TRIM48: variants seen among roughly 807,000 people sequenced by gnomAD.
TRIM48 encodes the protein E3 ubiquitin-protein ligase TRIM48.
Under a neutral mutation model 29.5 loss-of-function variants are expected in TRIM48, and 31 were observed. The ratio of observed to expected loss-of-function variants is 1.05; its 90% CI spans 0.79 to 1.42. The LOEUF (loss-of-function observed/expected upper bound fraction) is 1.42, where lower values mean the gene tolerates loss of function less well. Among genes scored for constraint, TRIM48 ranks in the 40% most tolerant of loss-of-function variants. The pLI is 0.00. For missense variants in TRIM48, 344 were observed against 265.0 expected, an observed-to-expected ratio of 1.30 and a Z score of -2.07; for synonymous variants, 128 against 90.6, an observed-to-expected ratio of 1.41 and a Z score of -2.34.
In TRIM48 at chr11:55,270,864, C is replaced by T. The variant is rs776642420; in HGVS notation, c.*429C>T. 1.2e-4 allele frequency: 183 copies of T among 1,565,168 alleles called. 16 individuals are homozygous for T. Among genetic ancestry groups the T allele is most frequent in the Non-Finnish European group, 1.5e-4 (177 of 1,150,754 alleles). ...GCTTCGTTGATGTTAGTCAAAGCTC[C>T]CCTATATACACCATCCCTAATTGCT... On this transcript the variant is annotated 3_prime_UTR_variant, in exon 6 of 6. Coordinates refer to ENST00000417545, the MANE Select transcript of TRIM48 (RefSeq NM_024114.5).
At chr11:55,264,769 G>C (rs1857360295) in intron 1 of TRIM48, 131 bp from the exon 2 acceptor site, 2 of 1,407,892 alleles carry the variant, frequency 1.4e-6, no homozygotes, top group African/African-American at 2.9e-5. Context: ...TTTTGTTACA[G>C]AAGAAATAGT....
rs1238616234 is a variant in TRIM48 at position 55,268,692 on chromosome 11, T to A, written c.578+320T>A. ...GGAAGCAGGAGAGAAGTGGGGGAAG[T>A]ATTTTAGCAGTGAAAAAGTTGATGA... On this transcript the variant is annotated intron_variant, in intron 4 of 5. Transcript: ENST00000417545. Among the ~76,000 whole-genome samples the A allele has an allele frequency of 8.1e-5, 12 of 147,808 alleles. 2 individuals are homozygous for A. The highest frequency in any genetic ancestry group is 6.5e-3 in the Middle Eastern group (2 of 306).
At position 55,265,092 on chromosome 11, in the gene TRIM48, C is replaced by T. The variant is rs1313454910; in HGVS notation, c.237C>T (p.Asn79=). Residue 79 remains asparagine, a synonymous_variant, in exon 2 of 6, where the codon AAC becomes AAT. Transcript: ENST00000417545. ...GCATAAAGACAATACAGCAGAGAAA[C>T]CTCAAAACTAACATTCGATTGAAGA... ...FECIKTIQQR[N]LKTNIRLKKM... is the part of the protein sequence containing the mutation. 3 of 1,583,110 alleles carry T rather than the reference C, an allele frequency of 1.9e-6. 1 individual carries two copies. The highest frequency in any genetic ancestry group is 2.6e-6 in the Non-Finnish European group (3 of 1,166,114).
At chr11:55,267,571 G>A (rs529348153) in intron 3 of TRIM48, 4 of 1,564,334 alleles carry the variant, frequency 2.6e-6, no homozygotes, top group African/African-American at 2.8e-5. Context: ...ATAGGAGGGA[G>A]ATTTTTAAGA....
In TRIM48 at chr11:55,270,967, C is replaced by T; in HGVS notation, c.*532C>T. 6.5e-7 allele frequency: 1 copy of T among 1,536,368 alleles called. No individual in the cohort carries two copies. Among genetic ancestry groups the T allele is most frequent in the Non-Finnish European group, 8.8e-7 (1 of 1,136,704 alleles). On this transcript the variant is annotated 3_prime_UTR_variant, in exon 6 of 6. Transcript: ENST00000417545. ...GACAAATCAGAAATGTGTTCATCTGCTGTGGGAACCCCTTTATCCCAGAAA... is the reference window on the plus strand; with the variant it reads ...GACAAATCAGAAATGTGTTCATCTGTTGTGGGAACCCCTTTATCCCAGAAA...
At chr11:55,268,758 G>GA (rs1292868838) in intron 4 of TRIM48, among the ~76,000 whole-genome samples, 6 of 147,484 alleles carry the variant, frequency 4.1e-5, no homozygotes, top group African/African-American at 1.5e-4. Context: ...TAACAGTTCC[G>GA]AAAAATAGAT....
rs186842159 is a variant in TRIM48, at chr11:55,269,009, C to T, written c.579-233C>T. On this transcript the variant is annotated intron_variant, in intron 4 of 5. Coordinates refer to ENST00000417545, the MANE Select transcript of TRIM48 (RefSeq NM_024114.5). The stretch of plus-strand genomic sequence containing the variant: ...GGCCATAAGGCTAAGGAACTTTACA[C>T]ATTTGGGGCAAAAAATAAGAAACAT... 3.2e-3 allele frequency among the ~76,000 whole-genome samples: 475 copies of T among 148,164 alleles called. 35 individuals carry two copies. Among genetic ancestry groups the T allele is most frequent in the African/African-American group, 0.011 (444 of 40,584 alleles).
At position 55,266,157 on chromosome 11, in the gene TRIM48, G is replaced by A. The variant is rs181179965; in HGVS notation, c.555+462G>A. 5.4e-5 allele frequency among the ~76,000 whole-genome samples: 8 copies of A among 147,274 alleles called. 2 individuals are homozygous for A. Among genetic ancestry groups the A allele is most frequent in the Non-Finnish European group, 7.5e-5 (5 of 66,790 alleles). ...GAAAGAGTGACAGGGGAAATCTAGG[G>A]CAACCATGAAATTAAGAATCCAAAC... On this transcript the variant is annotated intron_variant, in intron 3 of 5. Coordinates refer to ENST00000417545, the MANE Select transcript of TRIM48 (RefSeq NM_024114.5).
At position 55,265,108 on chromosome 11, in the gene TRIM48, C is replaced by T. The variant is rs777768817; in HGVS notation, c.253C>T (p.Arg85Ter). ...IQQRNLKTNI[R>*]LKKMASLARK... ...GCAGAGAAACCTCAAAACTAACATT[C>T]GATTGAAGAAGATGGCTTCCCTTGC... Residue 85 changes from arginine (R) to a stop codon, truncating the protein, a stop_gained, in exon 2 of 6, where the codon CGA (arginine) becomes TGA (stop). Transcript: ENST00000417545. LOFTEE classifies it high-confidence loss of function. 12 of 1,582,694 alleles carry T rather than the reference C, an allele frequency of 7.6e-6. No individual in the cohort carries two copies. Among genetic ancestry groups the T allele is most frequent in the Admixed American group, 6.8e-5 (4 of 58,520 alleles).
At chr11:55,267,708 A>G in intron 3 of TRIM48, 1 of 1,531,610 alleles carries the variant, frequency 6.5e-7, no homozygotes, top group Non-Finnish European at 8.8e-7. Flanking sequence ...CATGGCTGAA[A>G]TCCATCTCCC....
Position 55,262,471 on chromosome 11 carries a change from T to A in TRIM48, c.44+160T>A, listed in dbSNP as rs55940608. Among the ~76,000 whole-genome samples the A allele has an allele frequency of 3.9e-3, 601 of 152,282 alleles. 3 individuals carry two copies. Among genetic ancestry groups the A allele is most frequent in the African/African-American group, 0.014 (586 of 41,572 alleles). On this transcript the variant is annotated intron_variant, in intron 1 of 5. Transcript: ENST00000417545. ...TATGAATTATGAGGATATTAATTGT[T>A]GTTATTTTGCATTTTCTATCATTCT...
chr11:55,270,449 T>C lies in TRIM48; in HGVS notation c.*14T>C. 6.7e-7 allele frequency: 1 copy of C among 1,501,314 alleles called. No homozygotes were observed. Among genetic ancestry groups the C allele is most frequent in the Non-Finnish European group, 9.1e-7 (1 of 1,102,840 alleles). The allele number at this position is 1,501,314 out of a possible 1,614,324, so 93.0% of individuals were successfully genotyped here. A position where few individuals can be genotyped will look rare whatever the true frequency, so the allele number is the denominator to read the frequency against. On this transcript the variant is annotated 3_prime_UTR_variant, in exon 6 of 6. Coordinates refer to ENST00000417545, the MANE Select transcript of TRIM48 (RefSeq NM_024114.5). ...ATTTATTTTGCAGTGGATATTACTC[T>C]GCATCACAATGAAGCCAACAGTCAT...
At chr11:55,264,385 C>G (rs201046023) in intron 1 of TRIM48, among the ~76,000 whole-genome samples, 1 of 137,820 alleles carries the variant, frequency 7.3e-6, no homozygotes, top group Admixed American at 7.4e-5. Flanking sequence ...CTGAGATAAA[C>G]GTGCAGGACA....
At chr11:55,262,821 T>TAA (rs3065405) in intron 1 of TRIM48, among the ~76,000 whole-genome samples, 149,034 of 152,172 alleles carry the variant, frequency 0.98, 73,064 homozygotes, top group Middle Eastern at 1. Flanking sequence ...AATAAATATA[T>TAA]GATATAATTT....
chr11:55,262,414 C>T, intron 1 of TRIM48, 103 bp downstream of exon 1: 6 of 821,302 alleles, frequency 7.3e-6, no homozygotes, highest in Middle Eastern at 3.5e-4. Flanking sequence ...CACAATGATA[C>T]CATCTGTAAT....
rs866051288 is a variant in TRIM48 at position 55,264,840 on chromosome 11, T to A, written c.45-60T>A. ...ACTATAGCTATCACTTATCTCCACATGTTCAGAAGCTTTTCATCAACCCAG... is the reference window on the plus strand; with the variant it reads ...ACTATAGCTATCACTTATCTCCACAAGTTCAGAAGCTTTTCATCAACCCAG... On this transcript the variant is annotated intron_variant, in intron 1 of 5. Coordinates refer to ENST00000417545, the MANE Select transcript of TRIM48 (RefSeq NM_024114.5). 16 of 1,572,452 alleles carry A rather than the reference T, an allele frequency of 1.0e-5. 3 individuals are homozygous for A. Among genetic ancestry groups the A allele is most frequent in the Middle Eastern group, 2.3e-4 (1 of 4,340 alleles).
chr11:55,265,557 T>A (rs1232119555), intron 2 of TRIM48, 43 bp from the exon 3 acceptor site: 2 of 1,566,058 alleles, frequency 1.3e-6, no homozygotes, highest in African/African-American at 2.7e-5. Flanking sequence ...TGTATGTTAC[T>A]TTATTGTCTT....
At chr11:55,265,757 A>G (rs1857383097) in intron 3 of TRIM48, 62 bp downstream of exon 3, 1 of 1,490,758 alleles carries the variant, frequency 6.7e-7, no homozygotes. Flanking sequence ...GTGACTCTTA[A>G]AATAGGAACT....
At position 55,270,421 on chromosome 11, in the gene TRIM48, T is replaced by C; in HGVS notation, c.*2-16T>C. On this transcript the variant is annotated splice_polypyrimidine_tract_variant and intron_variant, in intron 5 of 5. Transcript: ENST00000417545. ...TTCTTTCTTTCTTTCTATTTATTTA[T>C]TTATTTATTTTGCAGTGGATATTAC... is the stretch of plus-strand genomic sequence containing the variant. 1.4e-6 allele frequency: 2 copies of C among 1,415,182 alleles called. No homozygotes were observed. The highest frequency in any genetic ancestry group is 1.4e-5 in the African/African-American group (1 of 69,080). 87.7% of individuals were successfully genotyped at this position (1,415,182 alleles called of 1,614,324 possible).
Sources: allele counts gnomAD v4.1 joint callset (sites outside exome capture counted in the v4.1 genomes callset), GRCh38; gene constraint gnomAD v4.1.1; transcripts MANE v1.5; gene names NCBI Gene and HGNC (gene_info 2026-07-23, HGNC 2026-07-21).